PTPRQ: variants seen among roughly 807,000 people sequenced by gnomAD.
The protein encoded by PTPRQ is phosphatidylinositol phosphatase PTPRQ.
In PTPRQ, 199 loss-of-function variants were observed where a neutral mutation model predicts 246.0. The observed-to-expected ratio is 0.81, with a 90% confidence interval of 0.72 to 0.91. PTPRQ has a LOEUF of 0.91. PTPRQ is among the 40% of genes least tolerant of loss of function. PTPRQ has a pLI of 0.00. For synonymous variants in PTPRQ, 869 were observed against 853.2 expected, an observed-to-expected ratio of 1.02 and a Z score of -0.32; for missense variants, 2,624 against 2,528.4, an observed-to-expected ratio of 1.04 and a Z score of -0.81.
At chr12:80,461,038 C>T in intron 6 of PTPRQ, 136 bp downstream of exon 6, 1 of 388,128 alleles carries the variant, frequency 2.6e-6, no homozygotes. Context: ...GGCATCCCAT[C>T]AAGGGTTTCT....
chr12:80,477,174 G>A (rs1478275016), intron 8 of PTPRQ, among the ~76,000 whole-genome samples: 1 of 152,092 alleles, frequency 6.6e-6, no homozygotes, highest in Admixed American at 6.6e-5. Flanking sequence ...TGCAATGAGT[G>A]AGGGCACCTG....
intron 25 of PTPRQ, among the ~76,000 whole-genome samples, chr12:80,578,908 T>C (rs1025118488): frequency 7.9e-5 from 12 of 152,180 alleles, no homozygotes; most frequent in Non-Finnish European, 1.0e-4. Flanking sequence ...ATTTTATTTA[T>C]TTGTTATAAA....
chr12:80,605,909 G>A (rs756221451), intron 27 of PTPRQ, among the ~76,000 whole-genome samples: 1 of 150,932 alleles, frequency 6.6e-6, no homozygotes, highest in Non-Finnish European at 1.5e-5. Flanking sequence ...GATAGATTGA[G>A]AGCAGTATGG....
chr12:80,620,747 G>A (rs1898951578), intron 32 of PTPRQ, among the ~76,000 whole-genome samples: 1 of 151,712 alleles, frequency 6.6e-6, no homozygotes, highest in African/African-American at 2.4e-5. Context: ...CTGATGTACA[G>A]GATTTTTGAA....
At position 80,610,608 on chromosome 12, in the gene PTPRQ, T is replaced by C. The variant is rs1215134563; in HGVS notation, c.4901T>C (p.Val1634Ala). 1 of 1,542,592 alleles carries C rather than the reference T, an allele frequency of 6.5e-7. No individual in the cohort carries two copies. The highest frequency in any genetic ancestry group is 8.8e-7 in the Non-Finnish European group (1 of 1,140,856). Residue 1634 changes from valine (V) to alanine (A), a missense_variant, in exon 28 of 45, where the codon GTT becomes GCT. Transcript: ENST00000644991. The stretch of plus-strand genomic sequence containing the variant: ...GGGAAGTCAAGTGCTGAAATGATTG[T>C]TACTACTTTAGAATCAGGTAAGGAG... ...VEGKSSAEMI[V>A]TTLESAPKDP... is the part of the protein sequence containing the mutation.
At chr12:80,468,985 G>A in intron 7 of PTPRQ, 147 bp downstream of exon 7, 2 of 1,145,298 alleles carry the variant, frequency 1.7e-6, no homozygotes, top group South Asian at 1.9e-5. Flanking sequence ...AGGAAGGGGA[G>A]GTCCTTTGAT....
chr12:80,489,828 C>T (rs1894389667), intron 9 of PTPRQ, among the ~76,000 whole-genome samples: 1 of 152,008 alleles, frequency 6.6e-6, no homozygotes, highest in Non-Finnish European at 1.5e-5. Context: ...ACTTCACAGT[C>T]AGATCCCATC....
chr12:80,676,461 G>A (rs1447619364), intron 43 of PTPRQ, among the ~76,000 whole-genome samples: 2 of 152,086 alleles, frequency 1.3e-5, no homozygotes, highest in Non-Finnish European at 2.9e-5. Flanking sequence ...TGACCAACAT[G>A]GTGAAACCCC....
intron 14 of PTPRQ, 61 bp downstream of exon 14, chr12:80,496,592 T>C: frequency 2.0e-6 from 3 of 1,483,880 alleles, no homozygotes; most frequent in Non-Finnish European, 2.7e-6. Flanking sequence ...GCAAAGCTGA[T>C]AATCGCCATG....
intron 19 of PTPRQ, among the ~76,000 whole-genome samples, chr12:80,536,139 A>G (rs1330583885): frequency 6.6e-6 from 1 of 152,188 alleles, no homozygotes; most frequent in East Asian, 1.9e-4. Flanking sequence ...TTTAGAAGAA[A>G]TGCTGCAATG....
chr12:80,495,836 A>G (rs1252576875), intron 12 of PTPRQ, among the ~76,000 whole-genome samples, 163 bp from the exon 13 acceptor site: 1 of 152,032 alleles, frequency 6.6e-6, no homozygotes, highest in Admixed American at 6.6e-5. Flanking sequence ...CCAACATGGA[A>G]AGGCCTATAA....
chr12:80,524,628 G>T (rs948351477), intron 17 of PTPRQ, among the ~76,000 whole-genome samples: 4 of 152,106 alleles, frequency 2.6e-5, no homozygotes, highest in Non-Finnish European at 5.9e-5. Flanking sequence ...TTAAGATTCT[G>T]TTGGTTGACA....
chr12:80,620,417 C>T (rs1424063344), intron 32 of PTPRQ, 41 bp downstream of exon 32: 1 of 1,543,044 alleles, frequency 6.5e-7, no homozygotes, highest in Non-Finnish European at 8.7e-7. Context: ...TGTTAGCAAG[C>T]TAGTTAGTAT....
intron 34 of PTPRQ, among the ~76,000 whole-genome samples, chr12:80,634,334 AT>A (rs773737554): frequency 6.6e-5 from 10 of 152,206 alleles, no homozygotes; most frequent in Non-Finnish European, 1.2e-4. Flanking sequence ...AGAAATAAGC[AT>A]TTAAAGGGTT....
At chr12:80,574,856 G>C (rs374260988) in intron 25 of PTPRQ, among the ~76,000 whole-genome samples, 1 of 152,006 alleles carries the variant, frequency 6.6e-6, no homozygotes, top group African/African-American at 2.4e-5. Context: ...TGGATTCTCC[G>C]TCATGTACAT....
At chr12:80,467,573 C>T (rs1231846650) in intron 6 of PTPRQ, among the ~76,000 whole-genome samples, 1 of 152,152 alleles carries the variant, frequency 6.6e-6, no homozygotes, top group Non-Finnish European at 1.5e-5. Context: ...TTTATTGCGG[C>T]ATTATTCACA....
At position 80,558,103 on chromosome 12, in the gene PTPRQ, CTTCTTTCTTTTCT is replaced by C. The variant is rs1208449873; in HGVS notation, c.4285+8385_4285+8397del. On this transcript the variant is annotated intron_variant, in intron 25 of 44. Coordinates refer to ENST00000644991, the MANE Select transcript of PTPRQ (RefSeq NM_001145026.2). ...CTCCCCTTCCCTCCCTCCCTCCTTT[CTTCTTTCTTTTCT>C]TTCTTTCTTTTCTTTTCTTTTCTTT... Among the ~76,000 whole-genome samples, 105 of 98,064 alleles carry C rather than the reference CTTCTTTCTTTTCT, an allele frequency of 1.1e-3. 5 individuals are homozygous for C. The highest frequency in any genetic ancestry group is 2.8e-3 in the African/African-American group (74 of 26,694). The allele number at this position is 98,064 out of a possible 152,430, so 64.3% of individuals were successfully genotyped here.
intron 5 of PTPRQ, 55 bp from the exon 6 acceptor site, chr12:80,460,598 A>T: frequency 2.5e-6 from 1 of 398,192 alleles, no homozygotes; most frequent in Non-Finnish European, 4.4e-6. Flanking sequence ...TCTTATTCTT[A>T]TGTTCACCAA....
At chr12:80,622,009 G>T in intron 32 of PTPRQ, 52 bp from the exon 33 acceptor site, 1 of 1,146,602 alleles carries the variant, frequency 8.7e-7, no homozygotes, top group South Asian at 1.9e-5. Flanking sequence ...GTTATTCATA[G>T]GAAAAATCAC....
Sources: allele counts gnomAD v4.1 joint callset (sites outside exome capture counted in the v4.1 genomes callset), GRCh38; gene constraint gnomAD v4.1.1; transcripts MANE v1.5; gene names NCBI Gene and HGNC (gene_info 2026-07-23, HGNC 2026-07-21).